Variants in SPACA6 observed in about 807,000 individuals in gnomAD.
SPACA6 encodes sperm acrosome membrane-associated protein 6.
For synonymous variants in SPACA6, 6 were observed against 1.5 expected, an observed-to-expected ratio of 4.05 and a Z score of -2.21; for missense variants, 8 against 2.8, an observed-to-expected ratio of 2.88 and a Z score of -1.34.
At chr19:51,694,888 CT>C (rs1204231871) in intron 2 of SPACA6, among the ~76,000 whole-genome samples, 12 of 152,058 alleles carry the variant, frequency 7.9e-5, no homozygotes, top group Admixed American at 2.0e-4. Context: ...GTCACTGCCC[CT>C]CTCCTGGCCT....
upstream of SPACA6, chr19:51,687,302 C>T (rs1173729405): frequency 7.0e-6 from 1 of 142,768 alleles, no homozygotes; most frequent in Non-Finnish European, 1.5e-5. Flanking sequence ...TACATACATA[C>T]ATAAGCAAAT....
upstream of SPACA6, among the ~76,000 whole-genome samples, chr19:51,690,339 TTCCCAAGGA>T (rs1423809076): frequency 6.6e-6 from 1 of 152,040 alleles, no homozygotes; most frequent in Non-Finnish European, 1.5e-5. Context: ...TCAGCCCCTC[TTCCCAAGGA>T]GCGCGGCCCC....
At chr19:51,683,795 C>T in the SPACA6 span, among the ~76,000 whole-genome samples, 2 of 152,146 alleles carry the variant, frequency 1.3e-5, no homozygotes, top group East Asian at 3.8e-4. Context: ...TATTATTACA[C>T]CCATTTTACT....
At chr19:51,684,731 C>A (rs921348835), upstream of SPACA6, among the ~76,000 whole-genome samples, 1 of 152,070 alleles carries the variant, frequency 6.6e-6, no homozygotes, top group African/African-American at 2.4e-5. Flanking sequence ...GCAAAAAAAA[C>A]CCAAAACCTC....
chr19:51,698,361 C>T (rs2083445026), intron 2 of SPACA6, among the ~76,000 whole-genome samples: 1 of 152,178 alleles, frequency 6.6e-6, no homozygotes. Context: ...ACCCAGGCCA[C>T]TTGGCCTGTT....
intron 2 of SPACA6, among the ~76,000 whole-genome samples, chr19:51,711,524 A>C (rs1453370801): frequency 6.6e-6 from 1 of 152,240 alleles, no homozygotes; most frequent in African/African-American, 2.4e-5. Flanking sequence ...TAAACCCAGC[A>C]ATTCAATTTC....
chr19:51,698,673 T>C (rs78416496), intron 2 of SPACA6, among the ~76,000 whole-genome samples: 2,763 of 152,298 alleles, frequency 0.018, 35 homozygotes, highest in Non-Finnish European at 0.028. Context: ...CAAGTGTATA[T>C]CCAGTGATCA....
rs1357141287 is a variant in SPACA6, at chr19:51,703,055, C to CG, written c.423dup (p.Cys142ValfsTer4). The stretch of plus-strand genomic sequence containing the variant: ...AGTTCGCCCGGCGTTTCCTCTGCAG[C>CG]GGGTGCTACTCTAGGGTCTGCGACC... On this transcript the variant is annotated frameshift_variant, in exon 5 of 9. Transcript: ENST00000637797. LOFTEE classifies it high-confidence loss of function. The surrounding 1 kb of genome is among the most constrained non-coding windows in gnomAD (Gnocchi z 4.2). The CG allele has an allele frequency of 7.5e-6, 3 of 399,144 alleles. No homozygotes were observed. The highest frequency in any genetic ancestry group is 2.1e-5 in the African/African-American group (1 of 48,652). 24.7% of individuals were successfully genotyped at this position (399,144 alleles called of 1,614,324 possible).
chr19:51,708,599 G>A (rs2083527294), downstream of SPACA6, among the ~76,000 whole-genome samples: 1 of 152,116 alleles, frequency 6.6e-6, no homozygotes, highest in Admixed American at 6.6e-5. Context: ...GGCCGAGACG[G>A]GTGGATTACC....
intron 2 of SPACA6, among the ~76,000 whole-genome samples, chr19:51,697,016 G>A (rs1288692227): frequency 6.6e-6 from 1 of 152,144 alleles, no homozygotes; most frequent in Admixed American, 6.5e-5. Context: ...AGAATCCCCT[G>A]GGAGCTTATT....
chr19:51,712,258 C>A (rs934775387), exon 3 of SPACA6: 2 of 152,108 alleles, frequency 1.3e-5, no homozygotes, highest in Non-Finnish European at 2.9e-5. Flanking sequence ...CAAGTGGTCT[C>A]CCTGCCTCGG....
chr19:51,692,782 G>GC (rs768465205), upstream of SPACA6: 2 of 534,360 alleles, frequency 3.7e-6, no homozygotes, highest in Non-Finnish European at 7.7e-6. This position sits in a 1 kb window ranked among gnomAD's most constrained non-coding sequence, Gnocchi z 5.6. Flanking sequence ...CACCTGCCGC[G>GC]CCCCCCGGGC....
At position 51,701,701 on chromosome 19, in the gene SPACA6, G is replaced by A. The variant is rs995078614; in HGVS notation, c.336G>A (p.Lys112=). The part of the protein sequence containing the change: ...VAFPDAAEKM[K]KVITQLKEAQ... ...TCCCTGATGCTGCGGAGAAAATGAA[G>A]AAGGTCATTACACAGCTTAAAGAAG... is the stretch of plus-strand genomic sequence containing the variant. The change falls in exon 3 of 9, where the codon AAG becomes AAA. Residue 112 remains lysine (K), a synonymous_variant. Coordinates refer to ENST00000637797, the MANE Select transcript of SPACA6 (RefSeq NM_001316972.2). 2 of 398,750 alleles carry A rather than the reference G, an allele frequency of 5.0e-6. No homozygotes were observed. Among genetic ancestry groups the A allele is most frequent in the South Asian group, 2.5e-4 (2 of 7,854 alleles). The allele number at this position is 398,750 out of a possible 1,614,324, so 24.7% of individuals were successfully genotyped here. A position where few individuals can be genotyped will look rare whatever the true frequency, so the allele number is the denominator to read the frequency against.
At position 51,704,398 on chromosome 19, in the gene SPACA6, C is replaced by T; in HGVS notation, c.859C>T (p.Pro287Ser). 2.5e-6 allele frequency: 1 copy of T among 401,166 alleles called. No homozygotes were observed. Among genetic ancestry groups the T allele is most frequent in the Admixed American group, 4.4e-5 (1 of 22,752 alleles). The allele number at this position is 401,166 out of a possible 1,614,324, so 24.9% of individuals were successfully genotyped here. A position where few individuals can be genotyped will look rare whatever the true frequency, so the allele number is the denominator to read the frequency against. ...CAGCCTGGGCGAGCTGCTGGCCAGG[C>T]CCGAGGCTCTGACGCCCAGCAATCT... The part of the protein sequence containing the change: ...RPSLGELLAR[P>S]EALTPSNLFL... Residue 287 changes from proline to serine, a missense_variant, in exon 8 of 9, where the codon CCC becomes TCC. By Grantham distance (74) the Pro-to-Ser change is moderately conservative (BLOSUM62 -1). Transcript: ENST00000637797.
intron 2 of SPACA6, among the ~76,000 whole-genome samples, chr19:51,697,677 T>G (rs928828047): frequency 6.6e-6 from 1 of 152,050 alleles, no homozygotes; most frequent in Admixed American, 6.6e-5. Flanking sequence ...AGCAGGGAGA[T>G]GGAGGAGCTG....
chr19:51,710,954 C>T (rs1247996601), intron 2 of SPACA6, among the ~76,000 whole-genome samples: 1 of 152,172 alleles, frequency 6.6e-6, no homozygotes, highest in Non-Finnish European at 1.5e-5. Flanking sequence ...GTGGCACATG[C>T]CTGTAATCCC....
At chr19:51,707,674 G>T (rs10422727), downstream of SPACA6, among the ~76,000 whole-genome samples, 2 of 152,042 alleles carry the variant, frequency 1.3e-5, no homozygotes, top group Non-Finnish European at 2.9e-5. Context: ...CAGGGTTAGC[G>T]TCGCACTACA....
chr19:51,693,636 G>T lies in SPACA6; in HGVS notation c.110G>T (p.Arg37Leu), dbSNP rs757140883. The T allele has an allele frequency of 7.2e-6, 3 of 414,300 alleles. No individual in the cohort carries two copies. The highest frequency in any genetic ancestry group is 1.3e-5 in the Non-Finnish European group (3 of 232,932). The allele number at this position is 414,300 out of a possible 1,614,324, so 25.7% of individuals were successfully genotyped here. A position where few individuals can be genotyped will look rare whatever the true frequency, so the allele number is the denominator to read the frequency against. ...CTCTGCTTCACAACCTACTCTGAGC[G>T]CCTCCGCATCTGCCAGATGTTTGTT... ...CLLCFTTYSERLRICQMFVGM... is the reference protein window; with the variant it reads ...CLLCFTTYSELLRICQMFVGM... The change falls in exon 1 of 9, where the codon CGC (arginine) becomes CTC (leucine). Residue 37 changes from arginine (R) to leucine (L), a missense_variant. Arg to Leu is a moderately radical substitution (Grantham distance 102, BLOSUM62 -2). Transcript: ENST00000637797.
intron 2 of SPACA6, among the ~76,000 whole-genome samples, chr19:51,697,814 G>C (rs1247941800): frequency 6.6e-6 from 1 of 152,160 alleles, no homozygotes; most frequent in African/African-American, 2.4e-5. Context: ...TGTATGCAGC[G>C]ATTAGGTGTG....
Sources: gnomAD v4.1 joint callset for allele counts (sites outside exome capture counted in the v4.1 genomes callset) on GRCh38, gnomAD v4.1.1 for gene constraint, Gnocchi (gnomAD v3.1) non-coding constraint, MANE v1.5 for transcripts, NCBI Gene and HGNC (gene_info 2026-07-23, HGNC 2026-07-21) for gene names.